The following EXOC4 variants were observed in gnomAD, a reference collection of about 807,000 sequenced individuals.
EXOC4 encodes SEC8-like 1.
Under a neutral mutation model 107.2 loss-of-function variants are expected in EXOC4, and 71 were observed. That is an observed-to-expected ratio of 0.66 (90% CI 0.55 to 0.81). EXOC4 has a LOEUF of 0.81. Among genes scored for constraint, EXOC4 ranks in the 30% least tolerant of loss-of-function variants. EXOC4 has a pLI of 0.00. For synonymous variants in EXOC4, 456 were observed against 441.2 expected (o/e 1.03, Z -0.42); for missense variants, 1,108 against 1,189.6 (o/e 0.93, Z 1.01).
intron 17 of EXOC4, among the ~76,000 whole-genome samples, chr7:134,048,302 AT>A (rs1554440036): frequency 6.6e-6 from 1 of 152,170 alleles, no homozygotes; most frequent in Non-Finnish European, 1.5e-5. Flanking sequence ...CTTGTAGGTA[AT>A]TTTTTAGTCC....
chr7:133,373,645 C>G (rs922096222), intron 6 of EXOC4, among the ~76,000 whole-genome samples: 3 of 152,180 alleles, frequency 2.0e-5, no homozygotes, highest in African/African-American at 7.2e-5. Context: ...ACACTGCTGA[C>G]AAGCTCTTTT....
rs191096403 is a variant in EXOC4 at position 133,562,153 on chromosome 7, T to G, written c.1418-67892T>G. Among the ~76,000 whole-genome samples, 16 of 152,316 alleles carry G rather than the reference T, an allele frequency of 1.1e-4. No homozygotes were observed. In the East Asian group the frequency reaches 2.7e-3, roughly 26 times the overall value. ...CTAAGAACCTATAGAGGACATTAAG[T>G]GAAGAACTTGTTGCATTTCTGCTTA... is the stretch of plus-strand genomic sequence containing the variant. On this transcript the variant is annotated intron_variant, in intron 9 of 17. Coordinates refer to ENST00000253861, the MANE Select transcript of EXOC4 (RefSeq NM_021807.4).
rs930695624 is a variant in EXOC4, at chr7:133,576,818, A to G, written c.1418-53227A>G. Reference sequence around the variant, plus strand: ...CTTCTGTGCATGGCAAGTTTTACTGAACTCCTCGAGATTTAGGGCCAATTA... The same window carrying G: ...CTTCTGTGCATGGCAAGTTTTACTGGACTCCTCGAGATTTAGGGCCAATTA... On this transcript the variant is annotated intron_variant, in intron 9 of 17. Transcript: ENST00000253861. 3 of 1,289,480 alleles carry G rather than the reference A, an allele frequency of 2.3e-6. No homozygotes were observed. In the Admixed American group the frequency reaches 6.9e-5, roughly 30 times the overall value. The allele number at this position is 1,289,480 out of a possible 1,614,324, so 79.9% of individuals were successfully genotyped here. A position where few individuals can be genotyped will look rare whatever the true frequency, so the allele number is the denominator to read the frequency against.
chr7:133,931,591 A>G (rs545572528), intron 13 of EXOC4, among the ~76,000 whole-genome samples: 18 of 152,368 alleles, frequency 1.2e-4, no homozygotes, highest in African/African-American at 4.3e-4. Context: ...AAGTATAATG[A>G]TAGAGAAATT....
At chr7:133,763,204 C>A (rs1269933930) in intron 10 of EXOC4, among the ~76,000 whole-genome samples, 1 of 152,070 alleles carries the variant, frequency 6.6e-6, no homozygotes, top group Non-Finnish European at 1.5e-5. Flanking sequence ...TGCTACTCCC[C>A]CCTGCCACAG....
intron 17 of EXOC4, among the ~76,000 whole-genome samples, chr7:134,060,946 A>T (rs972451356): frequency 1.3e-5 from 2 of 152,186 alleles, no homozygotes; most frequent in Non-Finnish European, 2.9e-5. Flanking sequence ...CACTGTTCAT[A>T]CGAAGCTCTT....
chr7:133,392,731 A>C (rs1348370841), intron 7 of EXOC4, among the ~76,000 whole-genome samples: 1 of 152,232 alleles, frequency 6.6e-6, no homozygotes, highest in Non-Finnish European at 1.5e-5. Context: ...TGTGTATGCC[A>C]GTCTTTCCCT....
intron 10 of EXOC4, among the ~76,000 whole-genome samples, chr7:133,712,331 C>G (rs1224720220): frequency 1.3e-5 from 2 of 150,168 alleles, no homozygotes; most frequent in African/African-American, 4.9e-5. Context: ...CCCAGCTACT[C>G]AGGAGGCTGA....
At chr7:133,412,868 A>G (rs1410241687) in intron 7 of EXOC4, among the ~76,000 whole-genome samples, 4 of 152,100 alleles carry the variant, frequency 2.6e-5, no homozygotes, top group East Asian at 1.9e-4. Flanking sequence ...TTACTCTGCT[A>G]TCTTTCTCAA....
chr7:133,255,197 A>G (rs1794987891), intron 1 of EXOC4, among the ~76,000 whole-genome samples: 1 of 138,542 alleles, frequency 7.2e-6, no homozygotes, highest in South Asian at 2.3e-4. Context: ...TTTTTTTTTG[A>G]GACAGAGTCT....
At chr7:133,710,915 A>G (rs1794878986) in intron 10 of EXOC4, among the ~76,000 whole-genome samples, 1 of 151,562 alleles carries the variant, frequency 6.6e-6, no homozygotes, top group African/African-American at 2.4e-5. Flanking sequence ...AACAGCCAGA[A>G]AAAAAAAATC....
At chr7:133,882,936 C>T (rs976531953) in intron 11 of EXOC4, among the ~76,000 whole-genome samples, 2 of 152,176 alleles carry the variant, frequency 1.3e-5, no homozygotes, top group African/African-American at 2.4e-5. Flanking sequence ...GTTAACCTTA[C>T]AAATTCTGAA....
At chr7:133,454,915 G>A (rs1170451033) in intron 7 of EXOC4, among the ~76,000 whole-genome samples, 3 of 151,990 alleles carry the variant, frequency 2.0e-5, no homozygotes, top group South Asian at 2.1e-4. Context: ...CCTGAGCAAC[G>A]TGGTGAAAAC....
chr7:133,588,289 A>G (rs1801453635), intron 9 of EXOC4, among the ~76,000 whole-genome samples: 1 of 152,244 alleles, frequency 6.6e-6, no homozygotes, highest in African/African-American at 2.4e-5. Flanking sequence ...CCATGGACAC[A>G]AAATGAATGA....
At chr7:134,009,253 T>C (rs1436639290) in intron 17 of EXOC4, among the ~76,000 whole-genome samples, 1 of 152,208 alleles carries the variant, frequency 6.6e-6, no homozygotes, top group Non-Finnish European at 1.5e-5. Context: ...TTTCACTTGA[T>C]TTTTTTGATT....
chr7:134,085,848 G>A, the EXOC4 span, among the ~76,000 whole-genome samples: 34 of 152,206 alleles, frequency 2.2e-4, no homozygotes, highest in African/African-American at 8.2e-4. Flanking sequence ...AAGATCTTGG[G>A]AATGGGTTAT....
At chr7:134,030,884 G>C (rs1249991568) in intron 17 of EXOC4, among the ~76,000 whole-genome samples, 1 of 151,950 alleles carries the variant, frequency 6.6e-6, no homozygotes, top group Non-Finnish European at 1.5e-5. Context: ...AAAACCTCCT[G>C]GCCTTCCAAG....
intron 8 of EXOC4, among the ~76,000 whole-genome samples, chr7:133,476,127 T>A (rs1418964417): frequency 6.6e-6 from 1 of 152,140 alleles, no homozygotes; most frequent in Non-Finnish European, 1.5e-5. Flanking sequence ...TAAATTTGAG[T>A]ATACTAAATT....
intron 9 of EXOC4, among the ~76,000 whole-genome samples, chr7:133,605,308 TATA>T (rs1211903983): frequency 6.6e-6 from 1 of 152,168 alleles, no homozygotes; most frequent in African/African-American, 2.4e-5. Context: ...AAATTTATAA[TATA>T]ATATTTTATA....
Sources: gnomAD v4.1 joint callset for allele counts (sites outside exome capture counted in the v4.1 genomes callset) on GRCh38, gnomAD v4.1.1 for gene constraint, MANE v1.5 for transcripts, NCBI Gene and HGNC (gene_info 2026-07-23, HGNC 2026-07-21) for gene names.